Variants in MYO10 observed in about 807,000 individuals in gnomAD.
MYO10 encodes unconventional myosin-X.
MYO10 carries 133 observed loss-of-function variants against 257.3 expected under a neutral mutation model. The observed-to-expected ratio is 0.52, with a 90% CI of 0.45 to 0.60. MYO10 has a LOEUF of 0.60. MYO10 is among the 20% of genes least tolerant of loss of function. MYO10 has a pLI of 0.00. For missense variants in MYO10, 2,399 were observed against 2,635.7 expected, an observed-to-expected ratio of 0.91 and a Z score of 1.97; for synonymous variants, 1,104 against 1,028.6, an observed-to-expected ratio of 1.07 and a Z score of -1.40.
intron 10 of MYO10, among the ~76,000 whole-genome samples, chr5:16,768,027 TAAAC>T (rs1379784915): frequency 6.6e-6 from 1 of 152,028 alleles, no homozygotes; most frequent in Non-Finnish European, 1.5e-5. Flanking sequence ...ACAACCCACA[TAAAC>T]AAAAGCTCTC....
At chr5:16,683,174 C>T (rs1205525867) in intron 30 of MYO10, among the ~76,000 whole-genome samples, 1 of 152,178 alleles carries the variant, frequency 6.6e-6, no homozygotes, top group Non-Finnish European at 1.5e-5. Context: ...ATTTTGTTGT[C>T]AATTTTAACA....
In MYO10 at chr5:16,668,258, A is replaced by G. The variant is rs760931113; in HGVS notation, c.6075+19T>C. 3.2e-6 allele frequency: 5 copies of G among 1,587,260 alleles called. No homozygotes were observed. The highest frequency in any genetic ancestry group is 4.3e-6 in the Non-Finnish European group (5 of 1,166,732). On this transcript the variant is annotated intron_variant, in intron 40 of 40. Transcript: ENST00000513610. ...TGTCAAGACCATGAATAAAAAGATGAACTTGCTTTGCCTCTTACCTCACTG... is the reference window on the plus strand; with the variant it reads ...TGTCAAGACCATGAATAAAAAGATGGACTTGCTTTGCCTCTTACCTCACTG...
At chr5:16,854,543 G>A (rs1487113407) in intron 2 of MYO10, among the ~76,000 whole-genome samples, 1 of 152,204 alleles carries the variant, frequency 6.6e-6, no homozygotes, top group East Asian at 1.9e-4. Context: ...TGGGGGAGGA[G>A]TGAGGGTGGA....
intron 19 of MYO10, among the ~76,000 whole-genome samples, chr5:16,730,910 G>A (rs1042292366): frequency 6.6e-6 from 1 of 152,218 alleles, no homozygotes; most frequent in African/African-American, 2.4e-5. Flanking sequence ...GAATTACAAG[G>A]TGAGGTCGTG....
chr5:16,882,691 T>A (rs1744788728), intron 1 of MYO10, among the ~76,000 whole-genome samples: 1 of 152,178 alleles, frequency 6.6e-6, no homozygotes, highest in African/African-American at 2.4e-5. Context: ...ATGAAGTTTC[T>A]GGAAAAGGCA....
intron 30 of MYO10, among the ~76,000 whole-genome samples, 178 bp from the exon 31 acceptor site, chr5:16,682,191 C>T (rs1737039695): frequency 6.6e-6 from 1 of 152,176 alleles, no homozygotes; most frequent in Non-Finnish European, 1.5e-5. Flanking sequence ...TTCTTTTACG[C>T]ATCATTAACC....
At chr5:16,738,023 A>T in intron 19 of MYO10, 1 of 813,460 alleles carries the variant, frequency 1.2e-6, no homozygotes, top group Non-Finnish European at 1.5e-6. Context: ...GCACGGAACT[A>T]GAAAATCTAG....
chr5:16,761,848 T>C (rs1474480355), intron 16 of MYO10, among the ~76,000 whole-genome samples, 197 bp downstream of exon 16: 1 of 151,988 alleles, frequency 6.6e-6, no homozygotes. Context: ...ATGTTTTTTA[T>C]ATCTATGTTG....
At chr5:16,824,904 A>T (rs1742955644) in intron 2 of MYO10, among the ~76,000 whole-genome samples, 1 of 152,160 alleles carries the variant, frequency 6.6e-6, no homozygotes, top group Non-Finnish European at 1.5e-5. Flanking sequence ...AAACTTTCAA[A>T]AACAATCGAA....
intron 19 of MYO10, among the ~76,000 whole-genome samples, chr5:16,714,763 C>A (rs576872462): frequency 6.6e-6 from 1 of 152,148 alleles, no homozygotes; most frequent in Non-Finnish European, 1.5e-5. Flanking sequence ...GCAGAGCTTG[C>A]AGTGAGCCAA....
chr5:16,823,762 G>A (rs911281863), intron 2 of MYO10, among the ~76,000 whole-genome samples: 8 of 148,892 alleles, frequency 5.4e-5, no homozygotes, highest in Non-Finnish European at 1.0e-4. Context: ...GTGAGCCACT[G>A]CGCCTGGCTG....
rs1046192672 is a variant in MYO10 at position 16,698,662 on chromosome 5, C to T, written c.3556+788G>A. ...TTTTTGAGACAGCGTCTGGCTCTGTCGCCCAGGCTGGGGTGCAGTGGCGCG... is the reference window on the plus strand; with the variant it reads ...TTTTTGAGACAGCGTCTGGCTCTGTTGCCCAGGCTGGGGTGCAGTGGCGCG... On this transcript the variant is annotated intron_variant, in intron 26 of 40. Transcript: ENST00000513610. Among the ~76,000 whole-genome samples, 8 of 124,318 alleles carry T rather than the reference C, an allele frequency of 6.4e-5. 1 individual carries two copies. The South Asian group carries it at 1.8e-3, about 28-fold the overall frequency. 81.6% of individuals were successfully genotyped at this position (124,318 alleles called of 152,430 possible).
At chr5:16,700,684 C>A (rs1371092779) in intron 25 of MYO10, among the ~76,000 whole-genome samples, 1 of 152,142 alleles carries the variant, frequency 6.6e-6, no homozygotes, top group Non-Finnish European at 1.5e-5. Flanking sequence ...TCAAAAACAA[C>A]AACAACAACA....
chr5:16,844,962 AC>A (rs200878054), intron 2 of MYO10, among the ~76,000 whole-genome samples: 2,210 of 151,986 alleles, frequency 0.015, 56 homozygotes, highest in African/African-American at 0.051. Context: ...ACGCACACAC[AC>A]ACACACACAC....
rs1487402226 is a variant in MYO10, at chr5:16,668,321, T to TA, written c.6030dup (p.Lys2011Ter). On this transcript the variant is annotated frameshift_variant, in exon 40 of 41. Transcript: ENST00000513610. LOFTEE classifies it high-confidence loss of function. ...AGCTCCCTCTCATCGACCACGATCT[T>TA]ATACGTATTCGCCAGGGGTGCCCCA... 1 of 1,613,980 alleles carries TA rather than the reference T, an allele frequency of 6.2e-7. No individual in the cohort carries two copies. Among genetic ancestry groups the TA allele is most frequent in the Admixed American group, 1.7e-5 (1 of 60,010 alleles).
Position 16,780,679 on chromosome 5 carries a change from G to C in MYO10, c.741+49C>G, listed in dbSNP as rs369044794. ...TAATTCACACAAACCAATAATTTCTGAAAATTGTTATTATGGAAGAAAATG... is the reference window on the plus strand; with the variant it reads ...TAATTCACACAAACCAATAATTTCTCAAAATTGTTATTATGGAAGAAAATG... On this transcript the variant is annotated intron_variant, in intron 7 of 40. Transcript: ENST00000513610. The C allele has an allele frequency of 3.9e-6, 6 of 1,548,050 alleles. No homozygotes were observed. In the African/African-American group the frequency reaches 8.2e-5, roughly 21 times the overall value.
intron 26 of MYO10, among the ~76,000 whole-genome samples, chr5:16,698,623 G>GTTTTGTT (rs1554036063): frequency 8.8e-6 from 1 of 113,860 alleles, no homozygotes; most frequent in Non-Finnish European, 1.7e-5. Context: ...AGAACATGCA[G>GTTTTGTT]TTTTTTTTTT....
At chr5:16,801,501 C>T (rs1742119746) in intron 3 of MYO10, among the ~76,000 whole-genome samples, 1 of 152,086 alleles carries the variant, frequency 6.6e-6, no homozygotes, top group African/African-American at 2.4e-5. Flanking sequence ...CATGAGCCAC[C>T]ATGCCTGGCT....
intron 1 of MYO10, among the ~76,000 whole-genome samples, chr5:16,897,688 A>G (rs1259370419): frequency 2.0e-5 from 3 of 151,956 alleles, no homozygotes. Flanking sequence ...ACTTATCTCC[A>G]CGGCCTCCAT....
Sources: gnomAD v4.1 joint callset for allele counts (sites outside exome capture counted in the v4.1 genomes callset) on GRCh38, gnomAD v4.1.1 for gene constraint, MANE v1.5 for transcripts, NCBI Gene and HGNC (gene_info 2026-07-23, HGNC 2026-07-21) for gene names.